The following NHS variants were observed in gnomAD, a reference collection of about 807,000 sequenced individuals.
NHS encodes the protein NHS actin remodeling regulator.
Under a neutral mutation model 72.5 loss-of-function variants are expected in NHS, and 5 were observed. That is an observed-to-expected ratio of 0.07 (90% confidence interval 0.04 to 0.14). The LOEUF (loss-of-function observed/expected upper bound fraction) is 0.14, where lower values mean the gene tolerates loss of function less well. NHS is among the 10% of genes least tolerant of loss of function. The pLI, the probability that NHS is intolerant of heterozygous loss-of-function variation, is 1.00. For synonymous variants in NHS, 464 were observed against 547.7 expected, an observed-to-expected ratio of 0.85 and a Z score of 2.13; for missense variants, 1,072 against 1,355.7, an observed-to-expected ratio of 0.79 and a Z score of 3.29.
intron 1 of NHS, among the ~76,000 whole-genome samples, chrX:17,598,437 A>G (rs2065634839): frequency 8.9e-6 from 1 of 112,628 alleles, no homozygotes; most frequent in African/African-American, 3.2e-5. Context: ...TCATCAAAAG[A>G]CATTTTTAAG....
intron 1 of NHS, among the ~76,000 whole-genome samples, chrX:17,560,746 C>T (rs972549905): frequency 1.4e-4 from 16 of 112,594 alleles, no homozygotes; most frequent in African/African-American, 5.2e-4. Context: ...CTTATTTTCT[C>T]TCTGCCTGGA....
intron 1 of NHS, among the ~76,000 whole-genome samples, chrX:17,518,650 G>T (rs2065132283): frequency 8.9e-6 from 1 of 112,065 alleles, no homozygotes; most frequent in African/African-American, 3.2e-5. Context: ...CTGATGACTT[G>T]AACAAAGATC....
intron 1 of NHS, among the ~76,000 whole-genome samples, chrX:17,679,798 A>G: frequency 9.6e-6 from 1 of 104,525 alleles, no homozygotes; most frequent in East Asian, 3.2e-4. Flanking sequence ...CAGATATTTC[A>G]TATACTGAAT....
intron 1 of NHS, among the ~76,000 whole-genome samples, chrX:17,575,409 A>G (rs985049518): frequency 1.8e-5 from 2 of 112,225 alleles, no homozygotes; most frequent in Non-Finnish European, 3.8e-5. Flanking sequence ...AGTTTTTAAA[A>G]TACATGCAAG....
chrX:17,550,144 C>T (rs1008781582), intron 1 of NHS, among the ~76,000 whole-genome samples: 4 of 111,911 alleles, frequency 3.6e-5, no homozygotes, highest in South Asian at 3.7e-4. Flanking sequence ...TACAAGCATG[C>T]GCACGTGCAC....
At chrX:17,592,805 G>A (rs755962440) in intron 1 of NHS, among the ~76,000 whole-genome samples, 3 of 111,367 alleles carry the variant, frequency 2.7e-5, no homozygotes, top group East Asian at 5.7e-4. Flanking sequence ...AGACCAATGG[G>A]GTTTGATTTT....
intron 3 of NHS, among the ~76,000 whole-genome samples, chrX:17,701,830 C>A (rs766664273): frequency 6.3e-5 from 7 of 111,112 alleles, no homozygotes; most frequent in Non-Finnish European, 3.8e-5. Flanking sequence ...AATGTGAATA[C>A]CTAAGATATC....
chrX:17,678,864 C>T (rs1006448487), intron 1 of NHS, among the ~76,000 whole-genome samples: 1 of 110,033 alleles, frequency 9.1e-6, no homozygotes, highest in Non-Finnish European at 1.9e-5. Flanking sequence ...GACAGGGATC[C>T]TGTCTTAGCC....
Position 17,376,012 on chromosome X carries a change from C to T in NHS, c.255C>T (p.His85=), listed in dbSNP as rs1378448686. ...CGGCCGACCAGACTCAGCCGCCGCA[C>T]GGAGAGGCGTCCGTGGCTGGCGAGG... is the stretch of plus-strand genomic sequence containing the variant. ...PAPADQTQPP[H]GEASVAGEES... is the part of the protein sequence containing the mutation. Residue 85 remains histidine, a synonymous_variant, in exon 1 of 9, where the codon CAC becomes CAT. Coordinates refer to ENST00000676302, the MANE Select transcript of NHS (RefSeq NM_001291867.2). 1.8e-6 allele frequency: 2 copies of T among 1,083,719 alleles called. No individual in the cohort carries two copies. The highest frequency in any genetic ancestry group is 3.8e-5 in the African/African-American group (2 of 51,979). 89.3% of individuals were successfully genotyped at this position (1,083,719 alleles called of 1,213,427 possible).
chrX:17,494,076 CTTTTTTT>C (rs749475125), intron 1 of NHS, among the ~76,000 whole-genome samples: 3 of 73,317 alleles, frequency 4.1e-5, no homozygotes, highest in Admixed American at 1.8e-4. Flanking sequence ...TCCTGGATGA[CTTTTTTT>C]TTTTTTTTTT....
intron 1 of NHS, among the ~76,000 whole-genome samples, chrX:17,449,985 CAA>C (rs1437872307): frequency 8.9e-6 from 1 of 111,889 alleles, no homozygotes; most frequent in African/African-American, 3.3e-5. Context: ...AACAGAGAAA[CAA>C]AGACAGAAAA....
chrX:17,543,285 C>A (rs890015457), intron 1 of NHS, among the ~76,000 whole-genome samples: 2 of 112,216 alleles, frequency 1.8e-5, no homozygotes, highest in Admixed American at 1.9e-4. Context: ...GGATACAGTG[C>A]GTTTCGCCTT....
intron 1 of NHS, among the ~76,000 whole-genome samples, chrX:17,579,119 C>A (rs1216292362): frequency 8.9e-6 from 1 of 112,261 alleles, no homozygotes; most frequent in Non-Finnish European, 1.9e-5. Context: ...ACATTTATTG[C>A]CATTTCTAGG....
intron 1 of NHS, among the ~76,000 whole-genome samples, chrX:17,541,355 G>A (rs190629834): frequency 8.0e-5 from 9 of 111,878 alleles, no homozygotes; most frequent in Admixed American, 7.5e-4. Flanking sequence ...ATGCTTTAGT[G>A]GACAAATCTT....
In NHS at chrX:17,574,591, A is replaced by G. The variant is rs145733129; in HGVS notation, c.566-113151A>G. Among the ~76,000 whole-genome samples the G allele has an allele frequency of 5.6e-3, 632 of 112,034 alleles. 6 individuals carry two copies. The highest frequency in any genetic ancestry group is 0.019 in the African/African-American group (600 of 30,796). ...TTGGGCTGAAGTGTACCGCTCCTCC[A>G]GGTACAGTCACTCATGGCTTCCCTT... On this transcript the variant is annotated intron_variant, in intron 1 of 8. Coordinates refer to ENST00000676302, the MANE Select transcript of NHS (RefSeq NM_001291867.2).
At chrX:17,719,162 A>C (rs997569558) in intron 3 of NHS, 182 bp from the exon 4 acceptor site, 8 of 381,922 alleles carry the variant, frequency 2.1e-5, no homozygotes, top group African/African-American at 1.9e-4. Flanking sequence ...AGGAGAAGGA[A>C]GGAATAATGA....
chrX:17,452,522 G>C (rs1214256473), intron 1 of NHS, among the ~76,000 whole-genome samples: 1 of 105,118 alleles, frequency 9.5e-6, no homozygotes, highest in Non-Finnish European at 2.0e-5. Context: ...TTTTGTTTTT[G>C]TTTTTCCCTG....
intron 1 of NHS, chrX:17,687,475 A>C (rs949921313): frequency 2.5e-6 from 1 of 395,511 alleles, no homozygotes; most frequent in African/African-American, 2.5e-5. Flanking sequence ...GTGAGGAATG[A>C]AGGTACGGAG....
At chrX:17,721,324 CT>C (rs1257127117) in intron 4 of NHS, 116 bp from the exon 5 acceptor site, 3 of 649,363 alleles carry the variant, frequency 4.6e-6, no homozygotes, top group Non-Finnish European at 5.0e-6. Flanking sequence ...GGAATTCTTC[CT>C]TTGTCCTAAG....
Sources: gnomAD v4.1 joint callset for allele counts (sites outside exome capture counted in the v4.1 genomes callset) on GRCh38, gnomAD v4.1.1 for gene constraint, MANE v1.5 for transcripts, NCBI Gene and HGNC (gene_info 2026-07-23, HGNC 2026-07-21) for gene names.